The following CCDC186 variants were observed in gnomAD, a reference collection of about 807,000 sequenced individuals.
The protein encoded by CCDC186 is coiled-coil domain-containing protein 186.
A neutral mutation model predicts 113.7 loss-of-function variants in CCDC186; 49 were observed. The ratio of observed to expected loss-of-function variants is 0.43; its 90% CI spans 0.34 to 0.55. The LOEUF is 0.55. CCDC186 is among the 20% of genes least tolerant of loss of function. CCDC186 has a pLI of 0.02. For missense variants in CCDC186, 890 were observed against 1,011.1 expected (o/e 0.88, Z 1.62); for synonymous variants, 355 against 345.8 (o/e 1.03, Z -0.30).
chr10:114,150,793 G>T (rs1319733048), intron 4 of CCDC186, among the ~76,000 whole-genome samples: 1 of 151,994 alleles, frequency 6.6e-6, no homozygotes, highest in Non-Finnish European at 1.5e-5. Flanking sequence ...GGACTACAGG[G>T]ATGCGCCACC....
Position 114,162,886 on chromosome 10 carries a change from G to A in CCDC186, c.383C>T (p.Pro128Leu). 1 of 1,613,854 alleles carries A rather than the reference G, an allele frequency of 6.2e-7. No homozygotes were observed. The highest frequency in any genetic ancestry group is 8.5e-7 in the Non-Finnish European group (1 of 1,179,916). The change falls in exon 2 of 16, where the codon CCA becomes CTA. Residue 128 changes from proline (P) to leucine (L), a missense_variant. Physicochemically the swap from Pro to Leu is moderately conservative, Grantham distance 98. Transcript: ENST00000369287. Reference protein sequence around the residue: ...ILVELRSSTFPESANEKTYSE... With the variant: ...ILVELRSSTFLESANEKTYSE... ...ATAAGTCTTTTCATTAGCTGATTCT[G>A]GAAATGTAGATGACCTTAATTCCAC...
intron 1 of CCDC186, chr10:114,168,197 C>A (rs777705774): frequency 6.6e-6 from 1 of 152,124 alleles, no homozygotes; most frequent in Admixed American, 6.5e-5. Context: ...ATTCACACTT[C>A]GAAATCATTT....
At chr10:114,157,240 G>A (rs939029956) in intron 3 of CCDC186, among the ~76,000 whole-genome samples, 1 of 143,180 alleles carries the variant, frequency 7.0e-6, no homozygotes, top group African/African-American at 2.6e-5. Context: ...CTGGAGTACA[G>A]TGGCACGATC....
intron 7 of CCDC186, 47 bp from the exon 8 acceptor site, chr10:114,136,293 C>A: frequency 7.2e-7 from 1 of 1,386,856 alleles, no homozygotes; most frequent in Non-Finnish European, 1.0e-6. Flanking sequence ...TAACCCATTT[C>A]CCGTTTGCCC....
At chr10:114,147,452 A>C (rs1437003565) in intron 4 of CCDC186, among the ~76,000 whole-genome samples, 2 of 152,214 alleles carry the variant, frequency 1.3e-5, no homozygotes, top group East Asian at 3.8e-4. Flanking sequence ...GGGGTGAATC[A>C]AGGAAAGGAA....
chr10:114,167,910 C>T (rs893688510), intron 1 of CCDC186, among the ~76,000 whole-genome samples: 5 of 151,506 alleles, frequency 3.3e-5, no homozygotes, highest in African/African-American at 1.2e-4. Flanking sequence ...CACTTGAGTC[C>T]AGGAGTTCAA....
In CCDC186 at chr10:114,134,950, C is replaced by T. The variant is rs1055433203; in HGVS notation, c.1618G>A (p.Val540Met). ...KAEIQNLLDK[V>M]KTADQLQEQL... ...TCCTGTAGCTGATCTGCAGTTTTCACCTTGTCCAATAAATTCTGAATTTCA... is the reference window on the plus strand; with the variant it reads ...TCCTGTAGCTGATCTGCAGTTTTCATCTTGTCCAATAAATTCTGAATTTCA... Residue 540 changes from valine (V) to methionine (M), a missense_variant, in exon 10 of 16, where the codon GTG becomes ATG. By Grantham distance (21) the Val-to-Met change is conservative. Coordinates refer to ENST00000369287, the MANE Select transcript of CCDC186 (RefSeq NM_018017.4). 3 of 1,612,448 alleles carry T rather than the reference C, an allele frequency of 1.9e-6. No individual in the cohort carries two copies. The highest frequency in any genetic ancestry group is 2.2e-5 in the East Asian group (1 of 44,706).
chr10:114,157,802 A>T, intron 2 of CCDC186, 122 bp from the exon 3 acceptor site: 4 of 726,510 alleles, frequency 5.5e-6, no homozygotes, highest in Non-Finnish European at 6.3e-6. Flanking sequence ...TATGTTAATA[A>T]ATTAACATTC....
intron 12 of CCDC186, 70 bp downstream of exon 12, chr10:114,131,077 C>CA (rs2031070683): frequency 7.8e-7 from 1 of 1,276,294 alleles, no homozygotes; most frequent in Non-Finnish European, 1.0e-6. Flanking sequence ...GGCAGAATCA[C>CA]AAAAAATAAA....
chr10:114,136,112 T>A (rs780452330), intron 8 of CCDC186, 36 bp downstream of exon 8: 2 of 1,563,256 alleles, frequency 1.3e-6, no homozygotes, highest in Non-Finnish European at 1.8e-6. Flanking sequence ...GTATTTATTA[T>A]GCAACTTAGG....
At chr10:114,127,316 G>A in intron 14 of CCDC186, 145 bp downstream of exon 14, 1 of 727,906 alleles carries the variant, frequency 1.4e-6, no homozygotes. Context: ...GAACATAATA[G>A]GTGACCATAA....
At chr10:114,159,310 A>T (rs116675321) in intron 2 of CCDC186, among the ~76,000 whole-genome samples, 2,867 of 152,288 alleles carry the variant, frequency 0.019, 98 homozygotes, top group African/African-American at 0.066. Flanking sequence ...GGAAGTGAAA[A>T]GCAGTAAACA....
intron 4 of CCDC186, among the ~76,000 whole-genome samples, chr10:114,146,353 A>G (rs1379086660): frequency 1.3e-5 from 2 of 152,216 alleles, no homozygotes; most frequent in African/African-American, 4.8e-5. Flanking sequence ...ACCTTGACAA[A>G]GAATCTTTTT....
rs751643342 is a variant in CCDC186 at position 114,162,847 on chromosome 10, T to G, written c.422A>C (p.Tyr141Ser). The change falls in exon 2 of 16, where the codon TAT (tyrosine) becomes TCT (serine). Residue 141 changes from tyrosine (Y) to serine (S), a missense_variant. Transcript: ENST00000369287. ...ANEKTYSESP[Y>S]DTDCTKKFIS... ...AAATTTCTTGGTGCAGTCTGTATCA[T>G]AGGGGCTTTCTGAATAAGTCTTTTC... 63 of 1,613,900 alleles carry G rather than the reference T, an allele frequency of 3.9e-5. No homozygotes were observed. The highest frequency in any genetic ancestry group is 5.3e-5 in the Non-Finnish European group (62 of 1,179,940).
chr10:114,165,087 T>G (rs1564919478), intron 1 of CCDC186, among the ~76,000 whole-genome samples: 1 of 152,238 alleles, frequency 6.6e-6, no homozygotes, highest in African/African-American at 2.4e-5. Context: ...TAGACCAGCT[T>G]GTTTGCTAAA....
At chr10:114,136,594 T>C (rs572649900) in intron 7 of CCDC186, among the ~76,000 whole-genome samples, 2 of 152,330 alleles carry the variant, frequency 1.3e-5, no homozygotes, top group African/African-American at 4.8e-5. Flanking sequence ...ATACCTAAAA[T>C]TATTAACCTA....
intron 4 of CCDC186, among the ~76,000 whole-genome samples, chr10:114,148,159 T>C (rs533888417): frequency 6.6e-6 from 1 of 151,752 alleles, no homozygotes; most frequent in Non-Finnish European, 1.5e-5. Context: ...ATTATGAGAG[T>C]CTTCACTATA....
At chr10:114,144,396 A>C in intron 6 of CCDC186, 101 bp downstream of exon 6, 1 of 1,399,086 alleles carries the variant, frequency 7.1e-7, no homozygotes, top group Non-Finnish European at 9.6e-7. Flanking sequence ...AACTCATTCT[A>C]ATCTGAAAGA....
rs1419979257 is a variant in CCDC186 at position 114,122,505 on chromosome 10, C to T, written c.*2638G>A. ...TATACATACACAGAAAAAATCACTT[C>T]CAGCTCAAATAAACCACAATATTGA... On this transcript the variant is annotated 3_prime_UTR_variant, in exon 16 of 16. Transcript: ENST00000369287. The T allele has an allele frequency of 6.6e-6, 1 of 152,160 alleles. No homozygotes were observed. Among genetic ancestry groups the T allele is most frequent in the African/African-American group, 2.4e-5 (1 of 41,438 alleles). The allele number at this position is 152,160 out of a possible 1,614,324, so 9.4% of individuals were successfully genotyped here.
Sources: allele counts gnomAD v4.1 joint callset (sites outside exome capture counted in the v4.1 genomes callset), GRCh38; gene constraint gnomAD v4.1.1; transcripts MANE v1.5; gene names NCBI Gene and HGNC (gene_info 2026-07-23, HGNC 2026-07-21).